The following PCDHGA4 variants were observed in gnomAD, a reference collection of about 807,000 sequenced individuals.
PCDHGA4 encodes protocadherin gamma subfamily A, 4.
A neutral mutation model predicts 54.6 loss-of-function variants in PCDHGA4; 38 were observed. That is an observed-to-expected ratio of 0.70 (90% CI 0.54 to 0.91). The LOEUF (loss-of-function observed/expected upper bound fraction) is 0.91. Ranked by LOEUF, PCDHGA4 falls within the 40% of genes least tolerant of loss-of-function variation. PCDHGA4 has a pLI of 0.00. For missense variants in PCDHGA4, 1,298 were observed against 1,220.9 expected, an observed-to-expected ratio of 1.06 and a Z score of -0.94; for synonymous variants, 511 against 512.9, an observed-to-expected ratio of 1.00 and a Z score of 0.05.
Position 141,417,943 on chromosome 5 carries a change from G to C in PCDHGA4, c.2514+60322G>C, listed in dbSNP as rs772925118. ...TGCTGCTGCCTTTGTTCTACCCCAC[G>C]CTGTGTGAGCCGATCCGCTACTCGA... is the stretch of plus-strand genomic sequence containing the variant. On this transcript the variant is annotated intron_variant, in intron 1 of 3. Coordinates refer to ENST00000571252, the MANE Select transcript of PCDHGA4 (RefSeq NM_018917.4). The C allele has an allele frequency of 4.1e-5, 66 of 1,613,160 alleles. 1 individual carries two copies. The highest frequency in any genetic ancestry group is 1.8e-4 in the East Asian group (8 of 44,850).
chr5:141,371,606 G>A, intron 1 of PCDHGA4: 2 of 1,614,010 alleles, frequency 1.2e-6, no homozygotes, highest in South Asian at 2.2e-5. Context: ...CATACAGGTT[G>A]GTGACAGATG....
chr5:141,418,712 G>A (rs1431536945), intron 1 of PCDHGA4: 1 of 1,613,976 alleles, frequency 6.2e-7, no homozygotes, highest in African/African-American at 1.3e-5. Context: ...CTTTGGTGTG[G>A]CTGACAAAGC....
At chr5:141,386,087 A>G (rs1331014845) in intron 1 of PCDHGA4, 2 of 152,268 alleles carry the variant, frequency 1.3e-5, no homozygotes, top group Non-Finnish European at 2.9e-5. Context: ...TGGTACAGCC[A>G]GATGAAGTGT....
chr5:141,483,892 A>C (rs1463395859), intron 1 of PCDHGA4, among the ~76,000 whole-genome samples: 1 of 151,652 alleles, frequency 6.6e-6, no homozygotes, highest in Non-Finnish European at 1.5e-5. Flanking sequence ...TATTTCTCTG[A>C]GCTCTGGTGT....
chr5:141,360,868 G>A (rs1389190862), intron 1 of PCDHGA4: 1 of 1,614,012 alleles, frequency 6.2e-7, no homozygotes, highest in Non-Finnish European at 8.5e-7. Flanking sequence ...GTTCAGCCAG[G>A]ACGTGTACAG....
chr5:141,423,440 C>T lies in PCDHGA4; in HGVS notation c.2514+65819C>T, dbSNP rs768389351. 27 of 1,613,852 alleles carry T rather than the reference C, an allele frequency of 1.7e-5. No individual in the cohort carries two copies. In the East Asian group the frequency reaches 4.5e-4, roughly 27 times the overall value. ...GAAGGCGGGTTGGCAGGTATGCCCACGTCACATTTTGTAGGCGTGGACGGG... is the reference window on the plus strand; with the variant it reads ...GAAGGCGGGTTGGCAGGTATGCCCATGTCACATTTTGTAGGCGTGGACGGG... On this transcript the variant is annotated intron_variant, in intron 1 of 3. Coordinates refer to ENST00000571252, the MANE Select transcript of PCDHGA4 (RefSeq NM_018917.4).
chr5:141,399,610 C>T, intron 1 of PCDHGA4: 1 of 1,613,946 alleles, frequency 6.2e-7, no homozygotes, highest in Non-Finnish European at 8.5e-7. Flanking sequence ...CCTAGAGCCT[C>T]TGGCACTGGC....
At chr5:141,383,314 A>C (rs1362079173) in intron 1 of PCDHGA4, 4 of 1,613,886 alleles carry the variant, frequency 2.5e-6, no homozygotes, top group Non-Finnish European at 8.5e-7. Flanking sequence ...GGAAGAAATA[A>C]ATGTAAAAAT....
chr5:141,376,737 A>C, intron 1 of PCDHGA4: 1 of 500,806 alleles, frequency 2.0e-6, no homozygotes, highest in Non-Finnish European at 3.3e-6. Context: ...CGGACTGCGG[A>C]CTGCAGTGGC....
chr5:141,510,825 G>C, intron 3 of PCDHGA4, 122 bp from the exon 4 acceptor site: 2 of 1,566,486 alleles, frequency 1.3e-6, no homozygotes, highest in Non-Finnish European at 1.7e-6. Flanking sequence ...TATATTCCCA[G>C]TGCTCAGCGT....
intron 1 of PCDHGA4, among the ~76,000 whole-genome samples, chr5:141,474,165 A>G (rs1444314307): frequency 6.6e-6 from 1 of 152,234 alleles, no homozygotes; most frequent in Non-Finnish European, 1.5e-5. Context: ...GACAGGCCTT[A>G]TTATTGAGAA....
intron 1 of PCDHGA4, chr5:141,410,849 C>CTTTTTTTTTCTTTTTTTTTTT (rs2095433801): frequency 7.7e-6 from 1 of 129,786 alleles, no homozygotes; most frequent in Non-Finnish European, 1.3e-5. Context: ...TTGTCTTTGT[C>CTTTTTTTTTCTTTTTTTTTTT]TTTTTTTTTT....
chr5:141,468,648 C>G (rs60206946), intron 1 of PCDHGA4: 27,626 of 151,800 alleles, frequency 0.18, 2,687 homozygotes, highest in Admixed American at 0.28. Flanking sequence ...GGGCGGATCA[C>G]AAGGTCAGGA....
At chr5:141,470,585 G>A (rs2099233788) in intron 1 of PCDHGA4, among the ~76,000 whole-genome samples, 1 of 152,188 alleles carries the variant, frequency 6.6e-6, no homozygotes, top group African/African-American at 2.4e-5. Flanking sequence ...AACTTCATAG[G>A]CAGGCGACCT....
intron 1 of PCDHGA4, chr5:141,403,028 G>A (rs1396801327): frequency 6.2e-7 from 1 of 1,614,074 alleles, no homozygotes; most frequent in Admixed American, 1.7e-5. Context: ...GCTATGGGAG[G>A]CCAGGGCCAG....
chr5:141,394,208 C>A (rs972602841), intron 1 of PCDHGA4: 6 of 1,613,930 alleles, frequency 3.7e-6, no homozygotes, highest in Non-Finnish European at 5.1e-6. Context: ...TAGAGAACAA[C>A]CTGAGAGGAG....
At chr5:141,468,841 G>C (rs1189145481) in intron 1 of PCDHGA4, among the ~76,000 whole-genome samples, 3 of 152,014 alleles carry the variant, frequency 2.0e-5, no homozygotes, top group Non-Finnish European at 4.4e-5. Flanking sequence ...ACTCCAGCCT[G>C]GGCAACAGAG....
At chr5:141,374,758 C>A (rs1316048031) in intron 1 of PCDHGA4, 3 of 1,613,200 alleles carry the variant, frequency 1.9e-6, no homozygotes, top group Non-Finnish European at 2.5e-6. Context: ...GCTCAAGCGT[C>A]GCCCAAATTC....
chr5:141,384,953 A>G, intron 1 of PCDHGA4: 1 of 1,613,944 alleles, frequency 6.2e-7, no homozygotes, highest in Non-Finnish European at 8.5e-7. Context: ...GACGGTCCTT[A>G]CAACTATGAC....
Sources: gnomAD v4.1 joint callset for allele counts (sites outside exome capture counted in the v4.1 genomes callset) on GRCh38, gnomAD v4.1.1 for gene constraint, MANE v1.5 for transcripts, NCBI Gene and HGNC (gene_info 2026-07-23, HGNC 2026-07-21) for gene names.